The following HTR2C variants were observed in gnomAD, a reference collection of about 807,000 sequenced individuals.
The protein encoded by HTR2C is 5-hydroxytryptamine (serotonin) receptor 2C, G protein-coupled.
A neutral mutation model predicts 21.0 loss-of-function variants in HTR2C; 5 were observed. The observed-to-expected ratio is 0.24, with a 90% CI of 0.12 to 0.50. HTR2C has a LOEUF of 0.50. Among genes scored for constraint, HTR2C ranks in the 20% least tolerant of loss-of-function variants. The pLI, the probability that HTR2C is intolerant of heterozygous loss-of-function variation, is 0.98. For synonymous variants in HTR2C, 150 were observed against 145.3 expected, an observed-to-expected ratio of 1.03 and a Z score of -0.23; for missense variants, 271 against 371.2, an observed-to-expected ratio of 0.73 and a Z score of 2.22.
At chrX:114,807,069 ACCATATATACACCATATATATACC>A (rs1297717299) in intron 4 of HTR2C, among the ~76,000 whole-genome samples, 15 of 30,485 alleles carry the variant, frequency 4.9e-4, no homozygotes, top group African/African-American at 9.3e-4. Flanking sequence ...CCATATATAT[ACCATATATACACCATATATATACC>A]CCATATATAC....
chrX:114,764,937 CTTCCTTCCTTCCTTCT>C (rs1325758344), intron 4 of HTR2C, among the ~76,000 whole-genome samples: 10 of 25,924 alleles, frequency 3.9e-4, no homozygotes, highest in East Asian at 2.0e-3. Context: ...TCCTTCCTTC[CTTCCTTCCTTCCTTCT>C]ATCTTTCTTC....
chrX:114,780,667 G>C (rs2070108147), intron 4 of HTR2C, among the ~76,000 whole-genome samples: 1 of 111,327 alleles, frequency 9.0e-6, no homozygotes, highest in Non-Finnish European at 1.9e-5. Flanking sequence ...ATATCAACTG[G>C]GTTGTCCAGA....
intron 1 of HTR2C, among the ~76,000 whole-genome samples, chrX:114,610,377 AG>A (rs1308959270): frequency 1.2e-4 from 14 of 112,210 alleles, no homozygotes; most frequent in Non-Finnish European, 2.1e-4. Context: ...TGACTTTTAA[AG>A]CATCATTTTG....
intron 2 of HTR2C, among the ~76,000 whole-genome samples, chrX:114,705,046 G>C (rs1169842559): frequency 9.5e-6 from 1 of 105,227 alleles, no homozygotes; most frequent in Non-Finnish European, 2.0e-5. Flanking sequence ...CACTGCTCAA[G>C]GAAATAAAAG....
chrX:114,842,878 T>A (rs1391262403), intron 4 of HTR2C, among the ~76,000 whole-genome samples: 1 of 111,738 alleles, frequency 8.9e-6, no homozygotes, highest in Non-Finnish European at 1.9e-5. Context: ...GATGCTGATT[T>A]TAGCTGCCAC....
At chrX:114,675,611 G>A (rs1556412408) in intron 2 of HTR2C, among the ~76,000 whole-genome samples, 1 of 111,512 alleles carries the variant, frequency 9.0e-6, no homozygotes, top group Non-Finnish European at 1.9e-5. Context: ...TTCCAAATTA[G>A]GCACCTTTGG....
intron 5 of HTR2C, among the ~76,000 whole-genome samples, chrX:114,884,162 T>TATTC (rs1411639566): frequency 9.0e-6 from 1 of 111,141 alleles, no homozygotes; most frequent in Non-Finnish European, 1.9e-5. Context: ...ACAGTTTATT[T>TATTC]ATTCATTTAT....
intron 4 of HTR2C, among the ~76,000 whole-genome samples, chrX:114,793,472 G>A (rs2070255371): frequency 9.0e-6 from 1 of 111,635 alleles, no homozygotes; most frequent in Non-Finnish European, 1.9e-5. Context: ...AATGTTCCTA[G>A]ATCAATTAAT....
At chrX:114,747,045 G>A (rs2069712985) in intron 4 of HTR2C, among the ~76,000 whole-genome samples, 1 of 111,476 alleles carries the variant, frequency 9.0e-6, no homozygotes, top group African/African-American at 3.3e-5. Flanking sequence ...ATGGTGGTGA[G>A]TGCCTGTAAC....
At chrX:114,881,515 T>G (rs1556479847) in intron 5 of HTR2C, among the ~76,000 whole-genome samples, 2 of 108,781 alleles carry the variant, frequency 1.8e-5, no homozygotes, top group African/African-American at 6.6e-5. Context: ...TTTTTTTCTG[T>G]GAATGGTGCA....
intron 5 of HTR2C, among the ~76,000 whole-genome samples, chrX:114,850,475 C>T (rs149477548): frequency 1.2e-3 from 129 of 110,783 alleles, no homozygotes; most frequent in African/African-American, 3.8e-3. Context: ...TTAGAGATGG[C>T]GAATTTCCAA....
chrX:114,714,848 G>A (rs1317214426), intron 2 of HTR2C, among the ~76,000 whole-genome samples: 4 of 111,505 alleles, frequency 3.6e-5, no homozygotes, highest in Non-Finnish European at 7.5e-5. Context: ...GTCAAGACTA[G>A]AACTCATGTC....
At chrX:114,817,879 A>T (rs1385872712) in intron 4 of HTR2C, among the ~76,000 whole-genome samples, 2 of 111,707 alleles carry the variant, frequency 1.8e-5, no homozygotes, top group Non-Finnish European at 3.8e-5. Context: ...GCCAAAATCA[A>T]ACAAGGACAT....
intron 2 of HTR2C, among the ~76,000 whole-genome samples, chrX:114,630,468 T>C (rs1319230445): frequency 2.7e-5 from 3 of 112,045 alleles, no homozygotes; most frequent in Non-Finnish European, 5.6e-5. Context: ...CTAGACTCTT[T>C]GCAAGTTATT....
At chrX:114,813,953 T>C (rs1234990295) in intron 4 of HTR2C, among the ~76,000 whole-genome samples, 2 of 111,308 alleles carry the variant, frequency 1.8e-5, no homozygotes, top group Non-Finnish European at 3.8e-5. Context: ...AGGATACAGA[T>C]ATATGTAAGG....
chrX:114,692,912 G>A (rs1556415300), intron 2 of HTR2C, among the ~76,000 whole-genome samples: 1 of 111,246 alleles, frequency 9.0e-6, no homozygotes, highest in Admixed American at 9.7e-5. Context: ...ACTGTATGAG[G>A]ACTTTGGAGC....
chrX:114,664,014 T>A (rs1031408879), intron 2 of HTR2C, among the ~76,000 whole-genome samples: 9 of 111,490 alleles, frequency 8.1e-5, no homozygotes, highest in African/African-American at 2.3e-4. Context: ...AGAAGATTAT[T>A]TGGAAAAGAC....
At chrX:114,719,074 C>T (rs1393951548) in intron 2 of HTR2C, among the ~76,000 whole-genome samples, 1 of 101,116 alleles carries the variant, frequency 9.9e-6, no homozygotes, top group Non-Finnish European at 2.0e-5. Flanking sequence ...TAAATTATAA[C>T]ACTTATTAAA....
intron 1 of HTR2C, among the ~76,000 whole-genome samples, chrX:114,612,740 C>T (rs1329388341): frequency 9.0e-6 from 1 of 110,851 alleles, no homozygotes; most frequent in African/African-American, 3.3e-5. Flanking sequence ...AGCAGAAGGA[C>T]GAACACTGAC....
Sources: allele counts gnomAD v4.1 joint callset (sites outside exome capture counted in the v4.1 genomes callset), GRCh38; gene constraint gnomAD v4.1.1; transcripts MANE v1.5; gene names NCBI Gene and HGNC (gene_info 2026-07-23, HGNC 2026-07-21).